Variants in PRDM16 observed in about 807,000 individuals in gnomAD.
The protein encoded by PRDM16 is PR/SET domain 16.
PRDM16 carries 23 observed loss-of-function variants against 110.6 expected under a neutral mutation model. The observed-to-expected ratio is 0.21, with a 90% CI of 0.15 to 0.29. The LOEUF (loss-of-function observed/expected upper bound fraction) is 0.29. PRDM16 is among the 10% of genes least tolerant of loss of function. The probability of loss-of-function intolerance (pLI) is 1.00; values close to 1 mark genes in which losing one functional copy is unlikely to be tolerated. For missense variants in PRDM16, 1,615 were observed against 1,794.3 expected (o/e 0.90, Z 1.81); for synonymous variants, 799 against 781.8 (o/e 1.02, Z -0.37).
intron 3 of PRDM16, among the ~76,000 whole-genome samples, chr1:3,280,865 G>A (rs1451607140): frequency 1.3e-5 from 2 of 152,240 alleles, no homozygotes; most frequent in Non-Finnish European, 2.9e-5. Flanking sequence ...CCCTGGGGCA[G>A]GGGCAGGGAA....
intron 3 of PRDM16, among the ~76,000 whole-genome samples, chr1:3,361,699 G>T (rs772656702): frequency 6.6e-6 from 1 of 152,234 alleles, no homozygotes; most frequent in Non-Finnish European, 1.5e-5. Flanking sequence ...GGAACAGAAG[G>T]CTATGTGACC....
intron 1 of PRDM16, among the ~76,000 whole-genome samples, chr1:3,093,422 C>T (rs942661323): frequency 1.3e-5 from 2 of 152,182 alleles, no homozygotes; most frequent in African/African-American, 4.8e-5. Context: ...AACCATCTGC[C>T]CATGAAGAGT....
At position 3,436,215 on chromosome 1, in the gene PRDM16, A is replaced by G. The variant is rs558254722; in HGVS notation, c.*2404A>G. 261 of 224,864 alleles carry G rather than the reference A, an allele frequency of 1.2e-3. No homozygotes were observed. Among genetic ancestry groups the G allele is most frequent in the Non-Finnish European group, 1.8e-3 (204 of 114,706 alleles). The allele number at this position is 224,864 out of a possible 1,614,324, so 13.9% of individuals were successfully genotyped here. A position where few individuals can be genotyped will look rare whatever the true frequency, so the allele number is the denominator to read the frequency against. On this transcript the variant is annotated 3_prime_UTR_variant, in exon 17 of 17. Transcript: ENST00000270722. ...AGGTGTGTGCTTTTTTTTTTTTGCAATATGACCCCGTCTCTCTGAAGTGGG... is the reference window on the plus strand; with the variant it reads ...AGGTGTGTGCTTTTTTTTTTTTGCAGTATGACCCCGTCTCTCTGAAGTGGG...
chr1:3,308,333 C>T (rs1201783335), intron 3 of PRDM16: 1 of 152,364 alleles, frequency 6.6e-6, no homozygotes, highest in African/African-American at 2.4e-5. Context: ...CGAGGGGGCT[C>T]TTCTTGTTGC....
intron 1 of PRDM16, among the ~76,000 whole-genome samples, chr1:3,087,925 A>G (rs1356354374): frequency 6.6e-6 from 1 of 151,810 alleles, no homozygotes; most frequent in Non-Finnish European, 1.5e-5. Context: ...AGATTACACT[A>G]CATTTCTCAG....
intron 14 of PRDM16, among the ~76,000 whole-genome samples, chr1:3,429,309 T>C (rs574318593): frequency 6.6e-6 from 1 of 152,322 alleles, no homozygotes; most frequent in Non-Finnish European, 1.5e-5. Flanking sequence ...TGGGCCCTAT[T>C]CTGTGTCCGT....
chr1:3,394,732 G>C (rs1355854445), intron 4 of PRDM16, among the ~76,000 whole-genome samples: 2 of 152,236 alleles, frequency 1.3e-5, no homozygotes, highest in Admixed American at 6.5e-5. Flanking sequence ...CGCTCAGAGG[G>C]TCACCCGGGC....
At chr1:3,151,843 G>A (rs955066423) in intron 1 of PRDM16, among the ~76,000 whole-genome samples, 2 of 152,250 alleles carry the variant, frequency 1.3e-5, no homozygotes, top group African/African-American at 2.4e-5. Context: ...CATCACGGAC[G>A]TTGTGTGTGG....
rs1044530092 is a variant in PRDM16, at chr1:3,358,467, G to A, written c.439-26685G>A. 3.9e-5 allele frequency among the ~76,000 whole-genome samples: 6 copies of A among 152,254 alleles called. No individual in the cohort carries two copies. The highest frequency in any genetic ancestry group is 2.1e-4 in the South Asian group (1 of 4,826). On this transcript the variant is annotated intron_variant, in intron 3 of 16. Transcript: ENST00000270722. This position sits in a 1 kb window ranked among gnomAD's most constrained non-coding sequence, Gnocchi z 4.0. ...GGAGGTGTTGTCTCCAGAGGCAGCC[G>A]CTGCGCCCCAGACTCCCAGCCGCGG...
At position 3,099,935 on chromosome 1, in the gene PRDM16, G is replaced by A. The variant is rs187487135; in HGVS notation, c.37+30639G>A. On this transcript the variant is annotated intron_variant, in intron 1 of 16. Transcript: ENST00000270722. ...CATGGACAAAGATGGGCCAGAAATC[G>A]GGGGTCGGTGGCAAGCAAGGGCTGC... Among the ~76,000 whole-genome samples, 715 of 152,252 alleles carry A rather than the reference G, an allele frequency of 4.7e-3. 13 individuals carry two copies. The highest frequency in any genetic ancestry group is 5.7e-3 in the Non-Finnish European group (389 of 68,004).
intron 1 of PRDM16, among the ~76,000 whole-genome samples, chr1:3,112,363 G>A (rs1642815206): frequency 6.6e-6 from 1 of 152,208 alleles, no homozygotes; most frequent in African/African-American, 2.4e-5. Flanking sequence ...CCCGGGAACC[G>A]GCCTCTCAGC....
At position 3,353,140 on chromosome 1, in the gene PRDM16, G is replaced by T. The variant is rs535882849; in HGVS notation, c.439-32012G>T. On this transcript the variant is annotated intron_variant, in intron 3 of 16. Coordinates refer to ENST00000270722, the MANE Select transcript of PRDM16 (RefSeq NM_022114.4). This position sits in a 1 kb window ranked among gnomAD's most constrained non-coding sequence, Gnocchi z 5.4. Reference sequence around the variant, plus strand: ...GCTGGCCCCCAGCCCAGACTCCCACGCAGGGACGTCCCTCACAGCAGGATT... The same window carrying T: ...GCTGGCCCCCAGCCCAGACTCCCACTCAGGGACGTCCCTCACAGCAGGATT... Among the ~76,000 whole-genome samples the T allele has an allele frequency of 3.3e-5, 5 of 152,346 alleles. No homozygotes were observed. The highest frequency in any genetic ancestry group is 7.2e-5 in the African/African-American group (3 of 41,590).
intron 3 of PRDM16, among the ~76,000 whole-genome samples, chr1:3,337,855 A>G (rs560780911): frequency 1.3e-5 from 2 of 152,326 alleles, no homozygotes; most frequent in African/African-American, 2.4e-5. Context: ...GAGGGAAAAG[A>G]AACAAAAGTC....
chr1:3,078,076 C>T (rs768869937), intron 1 of PRDM16, among the ~76,000 whole-genome samples: 6 of 152,278 alleles, frequency 3.9e-5, no homozygotes, highest in African/African-American at 9.6e-5. Flanking sequence ...GCTGTTGGCA[C>T]GTGCCACTTT....
At position 3,414,518 on chromosome 1, in the gene PRDM16, G is replaced by A. The variant is rs779506873; in HGVS notation, c.2604-42G>A. 5.3e-6 allele frequency: 8 copies of A among 1,506,406 alleles called. No individual in the cohort carries two copies. The South Asian group carries it at 9.3e-5, about 18-fold the overall frequency. 93.3% of individuals were successfully genotyped at this position (1,506,406 alleles called of 1,614,324 possible). A position where few individuals can be genotyped will look rare whatever the true frequency, so the allele number is the denominator to read the frequency against. ...GTGGAGCGGGTGGCTCGGCGGGGCGGGCGGCTCGGTGGGGTACGTAACCCT... is the reference window on the plus strand; with the variant it reads ...GTGGAGCGGGTGGCTCGGCGGGGCGAGCGGCTCGGTGGGGTACGTAACCCT... On this transcript the variant is annotated intron_variant, in intron 9 of 16. Transcript: ENST00000270722.
intron 3 of PRDM16, among the ~76,000 whole-genome samples, chr1:3,348,568 A>G (rs1342549974): frequency 6.6e-6 from 1 of 152,218 alleles, no homozygotes; most frequent in Non-Finnish European, 1.5e-5. Flanking sequence ...CACGCTTCTT[A>G]AAGAGGCCCT....
At chr1:3,363,928 C>T (rs1339187120) in intron 3 of PRDM16, among the ~76,000 whole-genome samples, 3 of 152,200 alleles carry the variant, frequency 2.0e-5, no homozygotes, top group Non-Finnish European at 2.9e-5. Context: ...CAGCCCGCTA[C>T]GCACACCTCA....
At chr1:3,121,642 G>A (rs1374716590) in intron 1 of PRDM16, among the ~76,000 whole-genome samples, 4 of 152,270 alleles carry the variant, frequency 2.6e-5, no homozygotes, top group Non-Finnish European at 5.9e-5. Flanking sequence ...AAACAGATGT[G>A]AGGCTGTGCC....
At chr1:3,323,698 C>A (rs926809902) in intron 3 of PRDM16, among the ~76,000 whole-genome samples, 5 of 152,382 alleles carry the variant, frequency 3.3e-5, no homozygotes, top group East Asian at 1.9e-4. Context: ...CACTTCCCCG[C>A]AGGCCTGGCT....
Sources: gnomAD v4.1 joint callset for allele counts (sites outside exome capture counted in the v4.1 genomes callset) on GRCh38, gnomAD v4.1.1 for gene constraint, Gnocchi (gnomAD v3.1) non-coding constraint, MANE v1.5 for transcripts, NCBI Gene and HGNC (gene_info 2026-07-23, HGNC 2026-07-21) for gene names.